DNAAF11: variants seen among roughly 807,000 people sequenced by gnomAD.
The protein encoded by DNAAF11 is dynein axonemal assembly factor 11.
In DNAAF11, 45 loss-of-function variants were observed where a neutral mutation model predicts 60.8. That is an observed-to-expected ratio of 0.74 (90% CI 0.58 to 0.95). DNAAF11 has a LOEUF of 0.95. Among genes scored for constraint, DNAAF11 ranks in the 40% least tolerant of loss-of-function variants. The probability of loss-of-function intolerance (pLI) is 0.00; values close to 1 mark genes in which losing one functional copy is unlikely to be tolerated. For synonymous variants in DNAAF11, 191 were observed against 183.5 expected (o/e 1.04, Z -0.33); for missense variants, 546 against 546.2 (o/e 1.00, Z 0.00).
At chr8:132,661,357 GT>G (rs946111054) in intron 2 of DNAAF11, 102 bp downstream of exon 2, 82 of 932,914 alleles carry the variant, frequency 8.8e-5, no homozygotes, top group Non-Finnish European at 1.1e-4. Context: ...TTCCCATGGA[GT>G]TTTTTTTTCA....
At chr8:132,644,992 C>A (rs1022709038) in intron 3 of DNAAF11, among the ~76,000 whole-genome samples, 1 of 152,094 alleles carries the variant, frequency 6.6e-6, no homozygotes, top group Non-Finnish European at 1.5e-5. Context: ...TAGTGGTCCT[C>A]CCAGCATGGA....
chr8:132,611,802 C>G (rs947503495), intron 8 of DNAAF11, among the ~76,000 whole-genome samples: 8 of 152,128 alleles, frequency 5.3e-5, no homozygotes, highest in African/African-American at 1.9e-4. Flanking sequence ...CTAATACTAT[C>G]TCTCCTGGAA....
intron 3 of DNAAF11, among the ~76,000 whole-genome samples, chr8:132,655,834 C>T (rs1823504093): frequency 6.6e-6 from 1 of 152,146 alleles, no homozygotes. Context: ...ATCTTCCTAT[C>T]TTAAAAAATA....
intron 10 of DNAAF11, among the ~76,000 whole-genome samples, chr8:132,598,856 T>G (rs1188059244): frequency 1.3e-5 from 2 of 152,026 alleles, no homozygotes; most frequent in African/African-American, 4.8e-5. Context: ...ACATCACAAT[T>G]AAAAGAACTA....
chr8:132,681,346 C>A, the DNAAF11 span, among the ~76,000 whole-genome samples: 4 of 140,110 alleles, frequency 2.9e-5, no homozygotes, highest in African/African-American at 8.6e-5. Flanking sequence ...GCAAACAAAG[C>A]AATCCATAGA....
At chr8:132,667,708 C>A (rs184256968) in intron 1 of DNAAF11, among the ~76,000 whole-genome samples, 1 of 152,292 alleles carries the variant, frequency 6.6e-6, no homozygotes, top group East Asian at 1.9e-4. Flanking sequence ...CTAAAAGATG[C>A]TGTGGAGGAA....
chr8:132,647,385 T>C (rs1326500837), intron 3 of DNAAF11, among the ~76,000 whole-genome samples: 1 of 152,164 alleles, frequency 6.6e-6, no homozygotes, highest in Non-Finnish European at 1.5e-5. Context: ...GAGGGAAATT[T>C]ACAGCACTAA....
chr8:132,689,556 ATTG>A, the DNAAF11 span, among the ~76,000 whole-genome samples: 221 of 152,172 alleles, frequency 1.5e-3, 1 homozygote, highest in African/African-American at 5.0e-3. Context: ...CACTCTTTTT[ATTG>A]TTTTTATTAC....
chr8:132,683,639 G>A, the DNAAF11 span, among the ~76,000 whole-genome samples: 1 of 152,214 alleles, frequency 6.6e-6, no homozygotes, highest in Non-Finnish European at 1.5e-5. Flanking sequence ...TCAGTGGGAG[G>A]AGACCAAGCC....
upstream of DNAAF11, chr8:132,675,749 TC>T: frequency 2.4e-6 from 1 of 410,436 alleles, no homozygotes. Context: ...TCGTCGCACT[TC>T]CGACTTGCCA....
At chr8:132,698,852 G>T in the DNAAF11 span, among the ~76,000 whole-genome samples, 1 of 151,780 alleles carries the variant, frequency 6.6e-6, no homozygotes, top group African/African-American at 2.4e-5. Context: ...AGGCCGAGGC[G>T]GGCTGATCAC....
rs1820904838 is a variant in DNAAF11 at position 132,632,622 on chromosome 8, A to G, written c.653+118T>C. On this transcript the variant is annotated intron_variant, in intron 5 of 11. Coordinates refer to ENST00000620350, the MANE Select transcript of DNAAF11 (RefSeq NM_012472.6). ...TATTCTTCCATCCAAAATTCACATC[A>G]TATTTCATTCTTCAAATTAATCTGG... 4.2e-6 allele frequency: 3 copies of G among 718,696 alleles called. No individual in the cohort carries two copies. The South Asian group carries it at 5.3e-5, about 13-fold the overall frequency. 44.5% of individuals were successfully genotyped at this position (718,696 alleles called of 1,614,324 possible).
chr8:132,577,626 A>G (rs1477330724), intron 11 of DNAAF11, among the ~76,000 whole-genome samples: 2 of 152,220 alleles, frequency 1.3e-5, no homozygotes. Context: ...TAATGATGTT[A>G]ATAACAATAG....
rs1203244374 is a variant in DNAAF11 at position 132,618,178 on chromosome 8, G to C, written c.915-3081C>G. Among the ~76,000 whole-genome samples, 18 of 150,976 alleles carry C rather than the reference G, an allele frequency of 1.2e-4. No individual in the cohort carries two copies. In the South Asian group the frequency reaches 2.7e-3, roughly 23 times the overall value. On this transcript the variant is annotated intron_variant, in intron 7 of 11. Coordinates refer to ENST00000620350, the MANE Select transcript of DNAAF11 (RefSeq NM_012472.6). Reference sequence around the variant, plus strand: ...ACTATCTGATCTTTGACAAACCTGAGAAAAACAAGAAATGGGGAAAGGATT... The same window carrying C: ...ACTATCTGATCTTTGACAAACCTGACAAAAACAAGAAATGGGGAAAGGATT...
intron 2 of DNAAF11, among the ~76,000 whole-genome samples, chr8:132,660,490 T>A (rs1482099106): frequency 1.3e-5 from 2 of 152,204 alleles, no homozygotes; most frequent in African/African-American, 4.8e-5. Context: ...GACCCAGGTT[T>A]ACCTGATGCC....
At chr8:132,593,632 A>G (rs898487990) in intron 10 of DNAAF11, among the ~76,000 whole-genome samples, 1 of 151,896 alleles carries the variant, frequency 6.6e-6, no homozygotes, top group Non-Finnish European at 1.5e-5. Context: ...AAAGAAACAA[A>G]GTCATAAGAA....
intron 3 of DNAAF11, among the ~76,000 whole-genome samples, chr8:132,640,833 GAA>G (rs1821782588): frequency 6.6e-6 from 1 of 152,190 alleles, no homozygotes; most frequent in South Asian, 2.1e-4. Context: ...AGTAGGAAAA[GAA>G]AAGAGGAGTC....
chr8:132,625,437 T>G lies in DNAAF11; in HGVS notation c.671A>C (p.Lys224Thr). ...TGTGTCTGGTGCCTGTAGGTGGTCTTTGCTCTCTAAAGAGGAACTAGGAAA... is the reference window on the plus strand; with the variant it reads ...TGTGTCTGGTGCCTGTAGGTGGTCTGTGCTCTCTAAAGAGGAACTAGGAAA... ...INATLSSLES[K>T]DHLQAPDTEE... The change falls in exon 6 of 12, where the codon AAA (lysine) becomes ACA (threonine). Residue 224 changes from lysine to threonine, a missense_variant. Physicochemically the swap from Lys to Thr is moderately conservative, Grantham distance 78 (BLOSUM62 -1). Transcript: ENST00000620350. 1.2e-6 allele frequency: 2 copies of G among 1,609,028 alleles called. No homozygotes were observed. The highest frequency in any genetic ancestry group is 1.7e-6 in the Non-Finnish European group (2 of 1,178,276).
chr8:132,668,531 C>T lies in DNAAF11; in HGVS notation c.11-6904G>A, dbSNP rs1302026190. ...TTGGCTCACTGCAAGCTCTGCCTCC[C>T]GGGTTCACGCCATTCTCCTGCCTCA... On this transcript the variant is annotated intron_variant, in intron 1 of 11. Coordinates refer to ENST00000620350, the MANE Select transcript of DNAAF11 (RefSeq NM_012472.6). Among the ~76,000 whole-genome samples, 7 of 152,066 alleles carry T rather than the reference C, an allele frequency of 4.6e-5. No individual in the cohort carries two copies. The South Asian group carries it at 8.3e-4, about 18-fold the overall frequency.
Sources: allele counts gnomAD v4.1 joint callset (sites outside exome capture counted in the v4.1 genomes callset), GRCh38; gene constraint gnomAD v4.1.1; transcripts MANE v1.5; gene names NCBI Gene and HGNC (gene_info 2026-07-23, HGNC 2026-07-21).